DGKG: variants seen among roughly 807,000 people sequenced by gnomAD.
DGKG encodes the protein diacylglycerol kinase gamma.
Under a neutral mutation model 105.3 loss-of-function variants are expected in DGKG, and 78 were observed. The ratio of observed to expected loss-of-function variants is 0.74; its 90% confidence interval spans 0.62 to 0.89. The LOEUF is 0.89. Among genes scored for constraint, DGKG ranks in the 40% least tolerant of loss-of-function variants. DGKG has a pLI of 0.00. For missense variants in DGKG, 958 were observed against 1,020.1 expected, an observed-to-expected ratio of 0.94 and a Z score of 0.83; for synonymous variants, 346 against 367.1, an observed-to-expected ratio of 0.94 and a Z score of 0.66.
Position 186,147,571 on chromosome 3 carries a change from A to G in DGKG, c.*2519T>C, listed in dbSNP as rs1159204007. The G allele has an allele frequency of 1.0e-6, 1 of 985,324 alleles. No homozygotes were observed. The highest frequency in any genetic ancestry group is 1.7e-5 in the African/African-American group (1 of 57,244). The allele number at this position is 985,324 out of a possible 1,614,324, so 61.0% of individuals were successfully genotyped here. A position where few individuals can be genotyped will look rare whatever the true frequency, so the allele number is the denominator to read the frequency against. On this transcript the variant is annotated 3_prime_UTR_variant, in exon 25 of 25. Transcript: ENST00000265022. ...AATTCCACTGAAGTTGTTATACTCC[A>G]TGCCTCTAAGAAGGACTTGGGATAT...
At chr3:186,167,360 G>A (rs1423773934) in intron 22 of DGKG, among the ~76,000 whole-genome samples, 1 of 152,188 alleles carries the variant, frequency 6.6e-6, no homozygotes. Flanking sequence ...TTGAGGTAAA[G>A]AAATCTATGT....
intron 20 of DGKG, among the ~76,000 whole-genome samples, chr3:186,241,766 A>T (rs141414595): frequency 6.9e-4 from 105 of 152,348 alleles, no homozygotes; most frequent in Non-Finnish European, 1.3e-3. Flanking sequence ...TAATGAGAAG[A>T]TACAGACAAA....
chr3:186,190,113 A>G (rs1717833835), intron 21 of DGKG, among the ~76,000 whole-genome samples: 1 of 152,214 alleles, frequency 6.6e-6, no homozygotes, highest in Admixed American at 6.5e-5. Context: ...AGGTTAAGTA[A>G]CTTGCCCAAA....
chr3:186,320,893 C>G (rs1725045038), intron 1 of DGKG, among the ~76,000 whole-genome samples, 186 bp from the exon 2 acceptor site: 1 of 152,192 alleles, frequency 6.6e-6, no homozygotes, highest in South Asian at 2.1e-4. Flanking sequence ...GAGGGGCAAG[C>G]TGTGGCCTGT....
At chr3:186,333,668 C>CA (rs1322214187) in intron 1 of DGKG, among the ~76,000 whole-genome samples, 1 of 151,932 alleles carries the variant, frequency 6.6e-6, no homozygotes, top group Admixed American at 6.6e-5. Context: ...AGAAACAAAC[C>CA]AAAAATCCAA....
At chr3:186,343,875 T>C (rs1726203765) in intron 1 of DGKG, among the ~76,000 whole-genome samples, 1 of 152,230 alleles carries the variant, frequency 6.6e-6, no homozygotes, top group East Asian at 1.9e-4. Flanking sequence ...GAGCATTATT[T>C]GGTGTTACTA....
chr3:186,158,351 G>A, intron 24 of DGKG: 1 of 970,200 alleles, frequency 1.0e-6, no homozygotes, highest in South Asian at 4.8e-5. Flanking sequence ...TTTTTAAACT[G>A]GAGCCTTCTT....
At chr3:186,173,082 T>C (rs1039028016) in intron 22 of DGKG, among the ~76,000 whole-genome samples, 1 of 152,222 alleles carries the variant, frequency 6.6e-6, no homozygotes, top group African/African-American at 2.4e-5. Context: ...GGTGTTTCTC[T>C]GTGTTTCCAA....
intron 20 of DGKG, among the ~76,000 whole-genome samples, chr3:186,224,281 G>C (rs1253278926): frequency 6.6e-6 from 1 of 152,174 alleles, no homozygotes; most frequent in African/African-American, 2.4e-5. Context: ...TCTCAGATCA[G>C]CTACAGAGCA....
At chr3:186,152,396 T>C (rs1468799886) in intron 24 of DGKG, among the ~76,000 whole-genome samples, 3 of 151,820 alleles carry the variant, frequency 2.0e-5, no homozygotes, top group Non-Finnish European at 2.9e-5. Context: ...GCATGCAATG[T>C]AGCATTCTTT....
intron 6 of DGKG, among the ~76,000 whole-genome samples, chr3:186,286,362 C>G (rs764996022): frequency 1.3e-5 from 2 of 152,200 alleles, no homozygotes; most frequent in South Asian, 2.1e-4. Context: ...GACTCTCCAA[C>G]GCTGACCTCT....
chr3:186,206,219 A>T (rs1292484097), intron 21 of DGKG, among the ~76,000 whole-genome samples: 1 of 152,070 alleles, frequency 6.6e-6, no homozygotes, highest in Admixed American at 6.6e-5. Context: ...TCCCGTCTCT[A>T]CTAAAAATGC....
intron 5 of DGKG, among the ~76,000 whole-genome samples, chr3:186,289,716 C>G (rs1349606033): frequency 6.6e-6 from 1 of 152,056 alleles, no homozygotes; most frequent in Non-Finnish European, 1.5e-5. Flanking sequence ...AGCCAGGGAA[C>G]AAAGGGAAGA....
At position 186,194,925 on chromosome 3, in the gene DGKG, G is replaced by A. The variant is rs553415672; in HGVS notation, c.1918-6546C>T. Among the ~76,000 whole-genome samples, 17 of 151,216 alleles carry A rather than the reference G, an allele frequency of 1.1e-4. 1 individual carries two copies. Among genetic ancestry groups the A allele is most frequent in the Admixed American group, 5.3e-4 (8 of 15,138 alleles). On this transcript the variant is annotated intron_variant, in intron 21 of 24. Transcript: ENST00000265022. ...TCGAAACCAGCCTGGCCAACATGGC[G>A]AAACCCTGTCTCTACTAAAAATACA...
At chr3:186,269,373 CTG>C (rs1387641684) in intron 11 of DGKG, among the ~76,000 whole-genome samples, 27 of 152,246 alleles carry the variant, frequency 1.8e-4, no homozygotes, top group African/African-American at 6.3e-4. Context: ...TTAGACCTCT[CTG>C]AGTCTCAGGT....
rs77937330 is a variant in DGKG at position 186,210,201 on chromosome 3, C to T, written c.1917+1594G>A. Among the ~76,000 whole-genome samples, 72 of 152,300 alleles carry T rather than the reference C, an allele frequency of 4.7e-4. No individual in the cohort carries two copies. In the East Asian group the frequency reaches 0.011, roughly 23 times the overall value. ...GCCAGCTGCAGGGAGAACAAGCAGT[C>T]GCTGTGCGCCTGCAGCTGGCTGTGG... On this transcript the variant is annotated intron_variant, in intron 21 of 24. Coordinates refer to ENST00000265022, the MANE Select transcript of DGKG (RefSeq NM_001346.3). This position sits in a 1 kb window ranked among gnomAD's most constrained non-coding sequence, Gnocchi z 5.2.
At chr3:186,337,457 T>C (rs188402128) in intron 1 of DGKG, among the ~76,000 whole-genome samples, 25 of 151,744 alleles carry the variant, frequency 1.6e-4, no homozygotes, top group African/African-American at 6.0e-4. Context: ...AGAAGGTAAA[T>C]GAAACCTCCT....
intron 7 of DGKG, among the ~76,000 whole-genome samples, chr3:186,281,923 G>A (rs1216894744): frequency 1.3e-5 from 2 of 152,144 alleles, no homozygotes; most frequent in Non-Finnish European, 2.9e-5. Context: ...CATAGGGGAC[G>A]GATTCTGTTC....
At chr3:186,290,372 T>C (rs575788236) in intron 5 of DGKG, among the ~76,000 whole-genome samples, 43 of 152,332 alleles carry the variant, frequency 2.8e-4, no homozygotes, top group African/African-American at 8.9e-4. Flanking sequence ...TTGTACTGTG[T>C]AGTGCATTAC....
Sources: allele counts gnomAD v4.1 joint callset (sites outside exome capture counted in the v4.1 genomes callset), GRCh38; gene constraint gnomAD v4.1.1; non-coding constraint Gnocchi (gnomAD v3.1); transcripts MANE v1.5; gene names NCBI Gene and HGNC (gene_info 2026-07-23, HGNC 2026-07-21).